ARSJ: variants seen among roughly 807,000 people sequenced by gnomAD.
ARSJ encodes the protein arylsulfatase family member J, also known as arylsulfatase J.
ARSJ carries 26 observed loss-of-function variants against 35.9 expected under a neutral mutation model. The ratio of observed to expected loss-of-function variants is 0.72; its 90% confidence interval spans 0.53 to 1.00. The LOEUF (loss-of-function observed/expected upper bound fraction) is 1.00. Ranked by LOEUF, ARSJ falls within the 50% of genes least tolerant of loss-of-function variation. ARSJ has a pLI of 0.00. For missense variants in ARSJ, 667 were observed against 723.6 expected (o/e 0.92, Z 0.90); for synonymous variants, 294 against 267.6 (o/e 1.10, Z -0.96).
rs761946523 is a variant in ARSJ at position 113,978,564 on chromosome 4, C to T, written c.271G>A (p.Val91Met). 4 of 1,614,144 alleles carry T rather than the reference C, an allele frequency of 2.5e-6. No homozygotes were observed. The highest frequency in any genetic ancestry group is 1.7e-6 in the Non-Finnish European group (2 of 1,180,060). ...TTAATCTCAGATCCGTGGTAACCCA[C>T]ATCTCTAAATCCCTGATCATCCGCT... ...ILADDQGFRD[V>M]GYHGSEIKTP... The change falls in exon 1 of 2, where the codon GTG becomes ATG. Residue 91 changes from valine to methionine, a missense_variant. Val to Met is a conservative substitution (Grantham distance 21). Coordinates refer to ENST00000315366, the MANE Select transcript of ARSJ (RefSeq NM_024590.4).
intron 1 of ARSJ, among the ~76,000 whole-genome samples, chr4:113,912,713 A>G (rs1723001997): frequency 6.6e-6 from 1 of 151,124 alleles, no homozygotes; most frequent in African/African-American, 2.4e-5. Context: ...CAGCACATCA[A>G]TTGTTGAATG....
chr4:113,973,978 G>T (rs1486718591), intron 1 of ARSJ, among the ~76,000 whole-genome samples: 1 of 152,112 alleles, frequency 6.6e-6, no homozygotes, highest in Non-Finnish European at 1.5e-5. Flanking sequence ...GAAAAGTGCA[G>T]AAACAGATCA....
chr4:113,976,808 G>A (rs1434644611), intron 1 of ARSJ, among the ~76,000 whole-genome samples: 1 of 152,086 alleles, frequency 6.6e-6, no homozygotes, highest in African/African-American at 2.4e-5. Flanking sequence ...TTACAGAGAC[G>A]TTAATCTTTC....
chr4:113,978,642 T>C lies in ARSJ; in HGVS notation c.193A>G (p.Lys65Glu), dbSNP rs771835281. The C allele has an allele frequency of 1.2e-6, 2 of 1,614,188 alleles. No homozygotes were observed. Among genetic ancestry groups the C allele is most frequent in the African/African-American group, 1.3e-5 (1 of 75,070 alleles). Residue 65 changes from lysine (K) to glutamate (E), a missense_variant, in exon 1 of 2, where the codon AAA becomes GAA. Coordinates refer to ENST00000315366, the MANE Select transcript of ARSJ (RefSeq NM_024590.4). ...GTGGAAGTTGTGCTGGGCTCTAGTT[T>C]CTCTCCAGCTTGAGCTAGTAAGGCC... ...EGALLAQAGE[K>E]LEPSTTSTSQ...
At chr4:113,937,461 T>A (rs2149267362) in intron 1 of ARSJ, among the ~76,000 whole-genome samples, 1 of 152,096 alleles carries the variant, frequency 6.6e-6, no homozygotes, top group Non-Finnish European at 1.5e-5. Context: ...CTGGAAGCAT[T>A]CTCCTTGAAA....
At position 113,902,792 on chromosome 4, in the gene ARSJ, T is replaced by C; in HGVS notation, c.1282A>G (p.Lys428Glu). The change falls in exon 2 of 2, where the codon AAG (lysine) becomes GAG (glutamate). Residue 428 changes from lysine to glutamate, a missense_variant. Transcript: ENST00000315366. ...ILHNIDPIYT[K>E]AKNGSWAAGY... Reference sequence around the variant, plus strand: ...GCTGCCCAGGAGCCATTTTTTGCCTTGGTGTATATGGGGTCAATGTTATGC... The same window carrying C: ...GCTGCCCAGGAGCCATTTTTTGCCTCGGTGTATATGGGGTCAATGTTATGC... The C allele has an allele frequency of 6.2e-7, 1 of 1,614,134 alleles. No homozygotes were observed. The highest frequency in any genetic ancestry group is 1.1e-5 in the South Asian group (1 of 91,078).
chr4:113,964,447 C>A (rs1726761150), intron 1 of ARSJ, among the ~76,000 whole-genome samples: 1 of 151,958 alleles, frequency 6.6e-6, no homozygotes. Flanking sequence ...AATTACTAAG[C>A]CTAAAATAAG....
chr4:113,920,388 C>T (rs1315683464), intron 1 of ARSJ, among the ~76,000 whole-genome samples: 1 of 152,036 alleles, frequency 6.6e-6, no homozygotes, highest in East Asian at 1.9e-4. Flanking sequence ...ACACTGTGGA[C>T]AATAATATGT....
chr4:113,972,624 C>T (rs1727344954), intron 1 of ARSJ, among the ~76,000 whole-genome samples: 1 of 152,168 alleles, frequency 6.6e-6, no homozygotes, highest in South Asian at 2.1e-4. Context: ...ATCCTCCCAC[C>T]TCAGCCTCCC....
At chr4:113,915,576 C>T (rs1246812874) in intron 1 of ARSJ, among the ~76,000 whole-genome samples, 1 of 151,922 alleles carries the variant, frequency 6.6e-6, no homozygotes, top group African/African-American at 2.4e-5. Context: ...TAGAAAAATA[C>T]CCAGAGTTTT....
At position 113,902,436 on chromosome 4, in the gene ARSJ, G is replaced by A; in HGVS notation, c.1638C>T (p.Leu546=). 3 of 1,613,824 alleles carry A rather than the reference G, an allele frequency of 1.9e-6. No homozygotes were observed. The highest frequency in any genetic ancestry group is 2.5e-6 in the Non-Finnish European group (3 of 1,179,982). The part of the protein sequence containing the change: ...PPKDPRSNPR[L]NGGVWGPWYK... ...ACCATGGTCCCCAGACCCCTCCATT[G>A]AGCCTAGGGTTACTTCTGGGGTCTT... Residue 546 remains leucine (L), a synonymous_variant, in exon 2 of 2, where the codon CTC becomes CTT. Coordinates refer to ENST00000315366, the MANE Select transcript of ARSJ (RefSeq NM_024590.4).
chr4:113,950,543 G>C (rs951994667), intron 1 of ARSJ, among the ~76,000 whole-genome samples: 3 of 151,984 alleles, frequency 2.0e-5, no homozygotes, highest in Middle Eastern at 3.2e-3. Context: ...TTGAAAGAGA[G>C]AGAAAGAGGG....
chr4:113,925,973 G>A (rs771674292), intron 1 of ARSJ, among the ~76,000 whole-genome samples: 2 of 152,124 alleles, frequency 1.3e-5, no homozygotes, highest in Non-Finnish European at 2.9e-5. Flanking sequence ...TGGAGCGCAT[G>A]CATAACCTCC....
chr4:113,978,788 T>G lies in ARSJ; in HGVS notation c.47A>C (p.Gln16Pro), dbSNP rs370096801. The G allele has an allele frequency of 6.2e-7, 1 of 1,613,844 alleles. No homozygotes were observed. Among genetic ancestry groups the G allele is most frequent in the African/African-American group, 1.3e-5 (1 of 75,042 alleles). ...CATCTTTCCAGGACAGACACAGGCC[T>G]GTGGAGAAGGCGGAGGCGGATGCCC... Reference protein sequence around the residue: ...CAGHPPPPSPQACVCPGKMLA... With the variant: ...CAGHPPPPSPPACVCPGKMLA... Residue 16 changes from glutamine (Q) to proline (P), a missense_variant, in exon 1 of 2, where the codon CAG becomes CCG. Gln to Pro is a moderately conservative substitution (Grantham distance 76). Transcript: ENST00000315366.
intron 1 of ARSJ, among the ~76,000 whole-genome samples, chr4:113,930,926 C>CA (rs1163287888): frequency 6.8e-6 from 1 of 146,404 alleles, no homozygotes; most frequent in African/African-American, 2.5e-5. Context: ...ATCGCAAGAA[C>CA]AAAAAACCAA....
intron 1 of ARSJ, among the ~76,000 whole-genome samples, chr4:113,922,680 A>AGATTTACAGTAAATTGTT (rs1303268606): frequency 2.0e-5 from 3 of 152,200 alleles, no homozygotes; most frequent in African/African-American, 7.2e-5. Flanking sequence ...AGTAATATGA[A>AGATTTACAGTAAATTGTT]ACAGTGTAAC....
At chr4:113,974,873 T>C (rs1271478962) in intron 1 of ARSJ, among the ~76,000 whole-genome samples, 1 of 152,174 alleles carries the variant, frequency 6.6e-6, no homozygotes, top group Non-Finnish European at 1.5e-5. Flanking sequence ...TACAAGTATT[T>C]TTATGGTAGC....
At chr4:113,959,833 A>G (rs1726429484) in intron 1 of ARSJ, among the ~76,000 whole-genome samples, 1 of 152,102 alleles carries the variant, frequency 6.6e-6, no homozygotes, top group Non-Finnish European at 1.5e-5. Flanking sequence ...AAAATGGCAG[A>G]GCTAAAAGTC....
rs2099667544 is a variant in ARSJ, at chr4:113,902,791, T to G, written c.1283A>C (p.Lys428Thr). The G allele has an allele frequency of 2.5e-6, 4 of 1,614,054 alleles. No individual in the cohort carries two copies. The South Asian group carries it at 4.4e-5, about 18-fold the overall frequency. The change falls in exon 2 of 2, where the codon AAG becomes ACG. Residue 428 changes from lysine to threonine, a missense_variant. By Grantham distance (78) the Lys-to-Thr change is moderately conservative. Transcript: ENST00000315366. ...TGCTGCCCAGGAGCCATTTTTTGCC[T>G]TGGTGTATATGGGGTCAATGTTATG... ...ILHNIDPIYTKAKNGSWAAGY... is the reference protein window; with the variant it reads ...ILHNIDPIYTTAKNGSWAAGY...
Sources: allele counts gnomAD v4.1 joint callset (sites outside exome capture counted in the v4.1 genomes callset), GRCh38; gene constraint gnomAD v4.1.1; transcripts MANE v1.5; gene names NCBI Gene and HGNC (gene_info 2026-07-23, HGNC 2026-07-21).